PLEC: variants seen among roughly 807,000 people sequenced by gnomAD.
PLEC encodes the protein hemidesmosomal protein 1.
In PLEC, 216 loss-of-function variants were observed where a neutral mutation model predicts 392.8. That is an observed-to-expected ratio of 0.55 (90% CI 0.49 to 0.62). The LOEUF (loss-of-function observed/expected upper bound fraction) is 0.62. Ranked by LOEUF, PLEC falls within the 20% of genes least tolerant of loss-of-function variation. The pLI is 0.00. For synonymous variants in PLEC, 3,621 were observed against 2,980.6 expected (o/e 1.21, Z -7.00); for missense variants, 6,863 against 6,563.4 (o/e 1.05, Z -1.58).
rs2131931075 is a variant in PLEC at position 143,932,780 on chromosome 8, C to T, written c.1737+13G>A. 1.9e-6 allele frequency: 3 copies of T among 1,611,628 alleles called. No individual in the cohort carries two copies. Among genetic ancestry groups the T allele is most frequent in the Non-Finnish European group, 2.5e-6 (3 of 1,179,550 alleles). On this transcript the variant is annotated intron_variant, in intron 14 of 31. Transcript: ENST00000345136. ...GCCCACCCCCGCACTGCCCATCGCT[C>T]AGCGCCACCCACCTCGTCACTCCGT...
chr8:143,925,390 C>A lies in PLEC; in HGVS notation c.4539G>T (p.Ala1513=). The part of the protein sequence containing the change: ...VQDESQRKRQ[A]EVELASRVKA... ...TCACGCGCGAGGCCAGCTCCACCTCCGCCTGCCGCTTACGCTGGCTCTCGT... is the reference window on the plus strand; with the variant it reads ...TCACGCGCGAGGCCAGCTCCACCTCAGCCTGCCGCTTACGCTGGCTCTCGT... The change falls in exon 31 of 32, where the codon GCG becomes GCT. Residue 1513 remains alanine, a synonymous_variant. Transcript: ENST00000345136. The A allele has an allele frequency of 6.3e-7, 1 of 1,580,490 alleles. No homozygotes were observed. Among genetic ancestry groups the A allele is most frequent in the Non-Finnish European group, 8.5e-7 (1 of 1,170,772 alleles).
rs900309981 is a variant in PLEC, at chr8:143,932,565, T to C, written c.1816-4A>G. 22 of 1,612,300 alleles carry C rather than the reference T, an allele frequency of 1.4e-5. No individual in the cohort carries two copies. Among genetic ancestry groups the C allele is most frequent in the Non-Finnish European group, 1.7e-5 (20 of 1,179,902 alleles). ...TGAGGCGGGCCTTGGAGGAGTTCTGTGGGCAGGAGGGTGCGTGTCAGCAGG... is the reference window on the plus strand; with the variant it reads ...TGAGGCGGGCCTTGGAGGAGTTCTGCGGGCAGGAGGGTGCGTGTCAGCAGG... On this transcript the variant is annotated splice_polypyrimidine_tract_variant and splice_region_variant and intron_variant, in intron 15 of 31. Coordinates refer to ENST00000345136, the MANE Select transcript of PLEC (RefSeq NM_201384.3).
At chr8:143,951,532 C>T (rs1832147198), upstream of PLEC, among the ~76,000 whole-genome samples, 1 of 152,148 alleles carries the variant, frequency 6.6e-6, no homozygotes, top group African/African-American at 2.4e-5. Context: ...GTTAACACTT[C>T]CCATTCCAGG....
chr8:143,952,204 ACACACG>A (rs1467842584), upstream of PLEC, among the ~76,000 whole-genome samples: 16 of 126,022 alleles, frequency 1.3e-4, no homozygotes, highest in African/African-American at 4.1e-4. Context: ...ACACACACAC[ACACACG>A]CGCGCACACA....
Position 143,917,219 on chromosome 8 carries a change from C to T in PLEC, c.12602G>A (p.Arg4201His), listed in dbSNP as rs897561457. Residue 4201 changes from arginine to histidine, a missense_variant, in exon 32 of 32, where the codon CGC (arginine) becomes CAC (histidine). By Grantham distance (29) the Arg-to-His change is conservative. Coordinates refer to ENST00000345136, the MANE Select transcript of PLEC (RefSeq NM_201384.3). ...GATGGCATCATCGATGTCGTACTGGCGCCCGGAGCGGCGGTCGATGATCAT... is the reference window on the plus strand; with the variant it reads ...GATGGCATCATCGATGTCGTACTGGTGCCCGGAGCGGCGGTCGATGATCAT... ...KSMIIDRRSG[R>H]QYDIDDAIAK... 16 of 1,612,978 alleles carry T rather than the reference C, an allele frequency of 9.9e-6. No individual in the cohort carries two copies. The highest frequency in any genetic ancestry group is 6.6e-5 in the South Asian group (6 of 91,092).
chr8:143,936,965 G>A lies in PLEC; in HGVS notation c.435+14C>T. On this transcript the variant is annotated intron_variant, in intron 5 of 31. Coordinates refer to ENST00000345136, the MANE Select transcript of PLEC (RefSeq NM_201384.3). Reference sequence around the variant, plus strand: ...TCCTGCAGGGGGTGGGGGTCCTGGGGGCAGCCGTTCTACCTGGAAGTGCAG... The same window carrying A: ...TCCTGCAGGGGGTGGGGGTCCTGGGAGCAGCCGTTCTACCTGGAAGTGCAG... 1.2e-6 allele frequency: 2 copies of A among 1,601,566 alleles called. No individual in the cohort carries two copies. The highest frequency in any genetic ancestry group is 1.7e-6 in the Non-Finnish European group (2 of 1,169,760).
rs782018578 is a variant in PLEC, at chr8:143,923,409, C to T, written c.6520G>A (p.Ala2174Thr). ...DAEMEKHKKF[A>T]EQTLRQKAQV... The stretch of plus-strand genomic sequence containing the variant: ...GCCTTCTGCCGCAGCGTCTGCTCGG[C>T]GAATTTCTTATGCTTCTCCATCTCC... Residue 2174 changes from alanine to threonine, a missense_variant, in exon 31 of 32, where the codon GCC becomes ACC. Ala to Thr is a moderately conservative substitution (Grantham distance 58, BLOSUM62 0). Coordinates refer to ENST00000345136, the MANE Select transcript of PLEC (RefSeq NM_201384.3). 2.9e-5 allele frequency: 46 copies of T among 1,610,688 alleles called. No homozygotes were observed. Among genetic ancestry groups the T allele is most frequent in the Admixed American group, 3.3e-5 (2 of 59,958 alleles).
At chr8:143,946,997 AC>A (rs1393129662) in intron 1 of PLEC, among the ~76,000 whole-genome samples, 1 of 152,088 alleles carries the variant, frequency 6.6e-6, no homozygotes, top group Non-Finnish European at 1.5e-5. Flanking sequence ...GTGCTTGCTG[AC>A]CAGTGAAGTG....
In PLEC at chr8:143,915,963, G is replaced by A; in HGVS notation, c.*214C>T. ...GGTAGAAGGGAGTGAGGAGACCCGA[G>A]GGGGTGAGGCGGCCAGCAGGGCTGG... On this transcript the variant is annotated 3_prime_UTR_variant, in exon 32 of 32. Coordinates refer to ENST00000345136, the MANE Select transcript of PLEC (RefSeq NM_201384.3). The A allele has an allele frequency of 4.5e-6, 2 of 441,390 alleles. No individual in the cohort carries two copies. Among genetic ancestry groups the A allele is most frequent in the Non-Finnish European group, 8.0e-6 (2 of 251,034 alleles). The allele number at this position is 441,390 out of a possible 1,614,324, so 27.3% of individuals were successfully genotyped here.
chr8:143,942,508 C>T (rs1554729585), upstream of PLEC: 1 of 1,576,298 alleles, frequency 6.3e-7, no homozygotes, highest in Admixed American at 1.8e-5. Flanking sequence ...GCCCCCCGCC[C>T]CCGACATGCC....
At chr8:143,962,573 C>T (rs1832917940) in intron 1 of PLEC, among the ~76,000 whole-genome samples, 1 of 152,168 alleles carries the variant, frequency 6.6e-6, no homozygotes, top group African/African-American at 2.4e-5. Context: ...TCTTGAGGCA[C>T]ACAGTAGAAA....
Position 143,919,570 on chromosome 8 carries a change from C to T in PLEC, c.10251G>A (p.Val3417=), listed in dbSNP as rs782333871. The T allele has an allele frequency of 6.2e-6, 10 of 1,605,008 alleles. No individual in the cohort carries two copies. The South Asian group carries it at 6.6e-5, about 11-fold the overall frequency. Residue 3417 remains valine (V), a synonymous_variant, in exon 32 of 32, where the codon GTG becomes GTA. Coordinates refer to ENST00000345136, the MANE Select transcript of PLEC (RefSeq NM_201384.3). ...LYVHEAVKAG[V]VGPELHEQLL... ...GCTGCTCGTGAAGCTCGGGGCCCACCACGCCCGCCTTCACGGCCTCGTGGA... is the reference window on the plus strand; with the variant it reads ...GCTGCTCGTGAAGCTCGGGGCCCACTACGCCCGCCTTCACGGCCTCGTGGA...
At chr8:143,975,054 C>A (rs1554745539), upstream of PLEC, 9 of 1,122,210 alleles carry the variant, frequency 8.0e-6, no homozygotes, top group Non-Finnish European at 1.2e-5. The surrounding 1 kb of genome is among the most constrained non-coding windows in gnomAD (Gnocchi z 9.9). Context: ...CGAGGCCCTC[C>A]GTGACCCGCA....
At position 143,922,979 on chromosome 8, in the gene PLEC, T is replaced by G; in HGVS notation, c.6950A>C (p.Gln2317Pro). The G allele has an allele frequency of 6.2e-7, 1 of 1,611,570 alleles. No individual in the cohort carries two copies. Among genetic ancestry groups the G allele is most frequent in the South Asian group, 1.1e-5 (1 of 90,764 alleles). ...GAGTCGCGTGGCCTCCTGCACCGCC[T>G]GCATCTTCTCCTTGAGCATCTTCTC... ...LAEKMLKEKM[Q>P]AVQEATRLKA... The change falls in exon 31 of 32, where the codon CAG becomes CCG. Residue 2317 changes from glutamine to proline, a missense_variant. Gln to Pro is a moderately conservative substitution (Grantham distance 76). Coordinates refer to ENST00000345136, the MANE Select transcript of PLEC (RefSeq NM_201384.3).
intron 1 of PLEC, among the ~76,000 whole-genome samples, chr8:143,964,979 C>T (rs1406062462): frequency 6.8e-6 from 1 of 147,718 alleles, no homozygotes; most frequent in Admixed American, 6.8e-5. Context: ...ACCAGCCCCA[C>T]TCCCCCAACC....
chr8:143,953,993 T>C, upstream of PLEC: 1 of 1,200,148 alleles, frequency 8.3e-7, no homozygotes, highest in Non-Finnish European at 1.1e-6. Flanking sequence ...CCTGTGGTTC[T>C]GGGGCACGCG....
chr8:143,932,944 A>G lies in PLEC; in HGVS notation c.1586T>C (p.Leu529Pro), dbSNP rs782519229. Residue 529 changes from leucine to proline, a missense_variant, in exon 14 of 32, where the codon CTG becomes CCG. Physicochemically the swap from Leu to Pro is moderately conservative, Grantham distance 98. Coordinates refer to ENST00000345136, the MANE Select transcript of PLEC (RefSeq NM_201384.3). ...DSTLRYLQDL[L>P]AWVEENQHRV... ...GTGCTGGTTCTCCTCCACCCAGGCC[A>G]GCAGGTCCTGCAGGTAGCGCAGAGT... is the stretch of plus-strand genomic sequence containing the variant. 1.3e-5 allele frequency: 21 copies of G among 1,612,562 alleles called. No individual in the cohort carries two copies. In the East Asian group the frequency reaches 4.0e-4, roughly 31 times the overall value.
chr8:143,936,130 C>T, intron 5 of PLEC, 116 bp from the exon 6 acceptor site: 1 of 1,171,728 alleles, frequency 8.5e-7, no homozygotes, highest in Non-Finnish European at 1.2e-6. Flanking sequence ...GTGCATGGGG[C>T]CACCAAACCA....
intron 1 of PLEC, among the ~76,000 whole-genome samples, chr8:143,965,900 C>T (rs1285956576): frequency 6.6e-6 from 1 of 152,168 alleles, no homozygotes; most frequent in Non-Finnish European, 1.5e-5. Context: ...GAACTCCTTC[C>T]CCAGGGAACT....
Sources: allele counts gnomAD v4.1 joint callset (sites outside exome capture counted in the v4.1 genomes callset), GRCh38; gene constraint gnomAD v4.1.1; non-coding constraint Gnocchi (gnomAD v3.1); transcripts MANE v1.5; gene names NCBI Gene and HGNC (gene_info 2026-07-23, HGNC 2026-07-21).